The following NDUFA11 variants were observed in gnomAD, a reference collection of about 807,000 sequenced individuals.
NDUFA11 encodes NADH:ubiquinone oxidoreductase subunit A11.
Under a neutral mutation model 11.3 loss-of-function variants are expected in NDUFA11, and 14 were observed. The ratio of observed to expected loss-of-function variants is 1.24; its 90% CI spans 0.82 to 1.94. The LOEUF (loss-of-function observed/expected upper bound fraction) is 1.94. Ranked by LOEUF, NDUFA11 falls within the 30% of genes most tolerant of loss-of-function variation. NDUFA11 has a pLI of 0.00. For synonymous variants in NDUFA11, 87 were observed against 85.6 expected (o/e 1.02, Z -0.09); for missense variants, 204 against 200.3 (o/e 1.02, Z -0.11).
rs1417605424 is a variant in NDUFA11, at chr19:5,896,986, C to T, written c.109G>A (p.Ala37Thr). 3 of 1,613,904 alleles carry T rather than the reference C, an allele frequency of 1.9e-6. No individual in the cohort carries two copies. The highest frequency in any genetic ancestry group is 1.3e-5 in the African/African-American group (1 of 75,026). ...SIASVAGLTA[A>T]AYRVTLNPPG... ...GGATTGAGTGTGACTCTGTAGGCAG[C>T]GGCGGTCAGGCCTGCGAGACAGAGG... Residue 37 changes from alanine to threonine, a missense_variant, in exon 2 of 4, where the codon GCT becomes ACT. Coordinates refer to ENST00000308961, the MANE Select transcript of NDUFA11 (RefSeq NM_175614.5). The surrounding 1 kb of genome is among the most constrained non-coding windows in gnomAD (Gnocchi z 5.8).
intron 1 of NDUFA11, among the ~76,000 whole-genome samples, chr19:5,898,152 C>T (rs1215830225): frequency 6.6e-6 from 1 of 152,194 alleles, no homozygotes; most frequent in Non-Finnish European, 1.5e-5. Context: ...AGATGTAAAG[C>T]AATTCTCCAG....
downstream of NDUFA11, chr19:5,892,902 A>C: frequency 2.8e-6 from 4 of 1,432,102 alleles, no homozygotes; most frequent in Non-Finnish European, 3.7e-6. Flanking sequence ...CTCTGAGGAC[A>C]GAACAAGGAA....
At chr19:5,893,098 G>T, downstream of NDUFA11, 1 of 1,536,096 alleles carries the variant, frequency 6.5e-7, no homozygotes, top group Non-Finnish European at 8.7e-7. The surrounding 1 kb of genome is among the most constrained non-coding windows in gnomAD (Gnocchi z 4.1). Flanking sequence ...TGCCCCCCTT[G>T]TGCTGGAACA....
In NDUFA11 at chr19:5,895,122, G is replaced by A; in HGVS notation, c.314-268C>T. On this transcript the variant is annotated intron_variant, in intron 3 of 3. Transcript: ENST00000308961. Reference sequence around the variant, plus strand: ...CCCCACACTGACTTCCCCCTGCGAGGACACCGTGCTGCCCCCAGCTGGGGC... The same window carrying A: ...CCCCACACTGACTTCCCCCTGCGAGAACACCGTGCTGCCCCCAGCTGGGGC... The A allele has an allele frequency of 1.8e-5, 9 of 495,598 alleles. No homozygotes were observed. The South Asian group carries it at 2.1e-4, about 12-fold the overall frequency. 30.7% of individuals were successfully genotyped at this position (495,598 alleles called of 1,614,324 possible).
intron 1 of NDUFA11, among the ~76,000 whole-genome samples, chr19:5,903,186 C>A (rs1428482214): frequency 6.6e-6 from 1 of 151,960 alleles, no homozygotes; most frequent in Non-Finnish European, 1.5e-5. Flanking sequence ...AAGACCTCAT[C>A]CCACCCCAAA....
intron 1 of NDUFA11, chr19:5,901,538 AT>A: frequency 8.7e-7 from 1 of 1,146,838 alleles, no homozygotes; most frequent in Non-Finnish European, 1.1e-6. Flanking sequence ...GTCTGCCCTA[AT>A]TCAAATGCCT....
downstream of NDUFA11, chr19:5,893,175 T>C (rs1459435777): frequency 9.8e-6 from 15 of 1,535,840 alleles, no homozygotes; most frequent in Non-Finnish European, 1.2e-5. This position sits in a 1 kb window ranked among gnomAD's most constrained non-coding sequence, Gnocchi z 4.1. Flanking sequence ...GGACCCAGAA[T>C]CTCTGTACAC....
chr19:5,897,585 G>A (rs764025754), intron 1 of NDUFA11, among the ~76,000 whole-genome samples: 2 of 152,178 alleles, frequency 1.3e-5, no homozygotes, highest in African/African-American at 2.4e-5. Context: ...GGCAGCTCGG[G>A]CCTGGGCTCG....
chr19:5,896,389 G>A lies in NDUFA11; in HGVS notation c.313+64C>T. ...ATGGAACAGAGAGGGTGGAGGATGA[G>A]CAGAGGTCAGGGGTCATTCTGCCAG... On this transcript the variant is annotated intron_variant, in intron 3 of 3. Transcript: ENST00000308961. The surrounding 1 kb of genome is among the most constrained non-coding windows in gnomAD (Gnocchi z 5.8). 4.0e-6 allele frequency: 6 copies of A among 1,489,226 alleles called. No individual in the cohort carries two copies. The highest frequency in any genetic ancestry group is 1.4e-5 in the African/African-American group (1 of 71,622). The allele number at this position is 1,489,226 out of a possible 1,614,324, so 92.3% of individuals were successfully genotyped here.
Position 5,903,669 on chromosome 19 carries a change from C to G in NDUFA11, c.40G>C (p.Asp14His). The change falls in exon 1 of 4, where the codon GAT becomes CAT. Residue 14 changes from aspartate (D) to histidine (H), a missense_variant. Physicochemically the swap from Asp to His is moderately conservative, Grantham distance 81 (BLOSUM62 -1). Coordinates refer to ENST00000308961, the MANE Select transcript of NDUFA11 (RefSeq NM_175614.5). ...KVFRQYWDIP[D>H]GTDCHRKAYS... ...GCTTTGCGGTGGCAATCGGTGCCAT[C>G]GGGGATATCCCAGTACTGACGAAAA... The G allele has an allele frequency of 6.4e-7, 1 of 1,551,528 alleles. No individual in the cohort carries two copies. The highest frequency in any genetic ancestry group is 8.7e-7 in the Non-Finnish European group (1 of 1,146,922).
chr19:5,896,510 C>T lies in NDUFA11; in HGVS notation c.256G>A (p.Asp86Asn), dbSNP rs544224039. ...ISAHVREKPDDPLNYFLGGCA... is the reference protein window; with the variant it reads ...ISAHVREKPDNPLNYFLGGCA... Reference sequence around the variant, plus strand: ...CCACCGAGGAAGTAGTTCAGGGGGTCGTCGGGCTTCTCGCGGACATGGGCG... The same window carrying T: ...CCACCGAGGAAGTAGTTCAGGGGGTTGTCGGGCTTCTCGCGGACATGGGCG... Residue 86 changes from aspartate to asparagine, a missense_variant, in exon 3 of 4, where the codon GAC becomes AAC. Physicochemically the swap from Asp to Asn is conservative, Grantham distance 23 (BLOSUM62 1). Coordinates refer to ENST00000308961, the MANE Select transcript of NDUFA11 (RefSeq NM_175614.5). The surrounding 1 kb of genome is among the most constrained non-coding windows in gnomAD (Gnocchi z 5.8). 66 of 1,571,856 alleles carry T rather than the reference C, an allele frequency of 4.2e-5. No homozygotes were observed. The highest frequency in any genetic ancestry group is 1.4e-4 in the East Asian group (6 of 43,088).
chr19:5,902,096 C>T (rs1390655433), intron 1 of NDUFA11, among the ~76,000 whole-genome samples: 2 of 151,738 alleles, frequency 1.3e-5, no homozygotes, highest in Non-Finnish European at 2.9e-5. Flanking sequence ...CTGCCTCAGC[C>T]TCCCAAGTAG....
downstream of NDUFA11, chr19:5,891,647 C>G (rs575408119): frequency 6.6e-6 from 1 of 152,458 alleles, no homozygotes; most frequent in Non-Finnish European, 1.5e-5. Context: ...AGCCCCCAGG[C>G]ACCTCTCCTG....
intron 1 of NDUFA11, among the ~76,000 whole-genome samples, chr19:5,901,783 C>T (rs1478072282): frequency 6.6e-6 from 1 of 151,330 alleles, no homozygotes; most frequent in African/African-American, 2.4e-5. Context: ...CATTCTCCTT[C>T]CTCAGCCTCC....
At chr19:5,893,185 C>G, downstream of NDUFA11, 2 of 1,536,070 alleles carry the variant, frequency 1.3e-6, no homozygotes, top group South Asian at 2.4e-5. This position sits in a 1 kb window ranked among gnomAD's most constrained non-coding sequence, Gnocchi z 4.1. Flanking sequence ...TCTCTGTACA[C>G]AGTGGCTCAT....
downstream of NDUFA11, chr19:5,893,191 C>T: frequency 2.0e-6 from 3 of 1,536,096 alleles, no homozygotes; most frequent in South Asian, 1.2e-5. This position sits in a 1 kb window ranked among gnomAD's most constrained non-coding sequence, Gnocchi z 4.1. Context: ...TACACAGTGG[C>T]TCATGCCTAT....
In NDUFA11 at chr19:5,896,907, G is replaced by T. The variant is rs1420186995; in HGVS notation, c.188C>A (p.Ala63Glu). 1 of 1,612,714 alleles carries T rather than the reference G, an allele frequency of 6.2e-7. No homozygotes were observed. Among genetic ancestry groups the T allele is most frequent in the Non-Finnish European group, 8.5e-7 (1 of 1,178,840 alleles). ...CATGCCCAGCCCAGCGTGCTCACCTGCAGTGAACGTGTATTGTCCAACCTT... is the reference window on the plus strand; with the variant it reads ...CATGCCCAGCCCAGCGTGCTCACCTTCAGTGAACGTGTATTGTCCAACCTT... The part of the protein sequence containing the change: ...VAKVGQYTFT[A>E]AAVGAVFGLT... The change falls in exon 2 of 4, where the codon GCA becomes GAA. Residue 63 changes from alanine to glutamate, a missense_variant and splice_region_variant. Ala to Glu is a moderately radical substitution (Grantham distance 107). Coordinates refer to ENST00000308961, the MANE Select transcript of NDUFA11 (RefSeq NM_175614.5). The surrounding 1 kb of genome is among the most constrained non-coding windows in gnomAD (Gnocchi z 5.8).
In NDUFA11 at chr19:5,896,192, T is replaced by C. The variant is rs1599692322; in HGVS notation, c.313+261A>G. ...CTGGGGCAGGACTGTACCTGGCATG[T>C]GGGAGGAGCAGTGAGGAGGCCCGTG... On this transcript the variant is annotated intron_variant, in intron 3 of 3. Transcript: ENST00000308961. The surrounding 1 kb of genome is among the most constrained non-coding windows in gnomAD (Gnocchi z 5.8). 3 of 555,474 alleles carry C rather than the reference T, an allele frequency of 5.4e-6. No individual in the cohort carries two copies. Among genetic ancestry groups the C allele is most frequent in the East Asian group, 2.9e-5 (1 of 34,366 alleles). 34.4% of individuals were successfully genotyped at this position (555,474 alleles called of 1,614,324 possible).
At chr19:5,903,010 CAAA>C (rs545310981) in intron 1 of NDUFA11, among the ~76,000 whole-genome samples, 2 of 103,980 alleles carry the variant, frequency 1.9e-5, no homozygotes, top group African/African-American at 3.9e-5. Context: ...GGCTCTGTCT[CAAA>C]AAAAAAAAAA....
Sources: allele counts gnomAD v4.1 joint callset (sites outside exome capture counted in the v4.1 genomes callset), GRCh38; gene constraint gnomAD v4.1.1; non-coding constraint Gnocchi (gnomAD v3.1); transcripts MANE v1.5; gene names NCBI Gene and HGNC (gene_info 2026-07-23, HGNC 2026-07-21).